Variants in MYRF observed in about 807,000 individuals in gnomAD.
The protein encoded by MYRF is myelin gene regulatory factor.
Under a neutral mutation model 126.3 loss-of-function variants are expected in MYRF, and 16 were observed. That is an observed-to-expected ratio of 0.13 (90% confidence interval 0.09 to 0.19). The LOEUF is 0.19. Ranked by LOEUF, MYRF falls within the 10% of genes least tolerant of loss-of-function variation. The pLI, the probability that MYRF is intolerant of heterozygous loss-of-function variation, is 1.00. For missense variants in MYRF, 1,104 were observed against 1,547.0 expected (o/e 0.71, Z 4.80); for synonymous variants, 608 against 635.3 (o/e 0.96, Z 0.65).
chr11:61,769,253 C>T lies in MYRF; in HGVS notation c.399-7C>T, dbSNP rs1393129670. Reference sequence around the variant, plus strand: ...CACCCCCCGGCCCCTTCCCCTGGCTCTCGCAGCACACTGCCGGACTCTCCC... The same window carrying T: ...CACCCCCCGGCCCCTTCCCCTGGCTTTCGCAGCACACTGCCGGACTCTCCC... On this transcript the variant is annotated splice_region_variant and splice_polypyrimidine_tract_variant and intron_variant, in intron 3 of 26. Coordinates refer to ENST00000278836, the MANE Select transcript of MYRF (RefSeq NM_001127392.3). 5 of 1,591,082 alleles carry T rather than the reference C, an allele frequency of 3.1e-6. No homozygotes were observed. In the East Asian group the frequency reaches 9.1e-5, roughly 29 times the overall value.
Position 61,770,502 on chromosome 11 carries a change from G to A in MYRF, c.717G>A (p.Gln239=). 2 of 1,564,728 alleles carry A rather than the reference G, an allele frequency of 1.3e-6. No individual in the cohort carries two copies. The highest frequency in any genetic ancestry group is 1.7e-6 in the Non-Finnish European group (2 of 1,154,436). ...HHTQQSQMLH[Q]LLQQHGAELP... ...CCCAGCAGTCCCAGATGCTGCACCAGCTCCTGCAGCAGCACGGAGCTGAGT... is the reference window on the plus strand; with the variant it reads ...CCCAGCAGTCCCAGATGCTGCACCAACTCCTGCAGCAGCACGGAGCTGAGT... The change falls in exon 5 of 27, where the codon CAG becomes CAA. Residue 239 remains glutamine, a synonymous_variant. Coordinates refer to ENST00000278836, the MANE Select transcript of MYRF (RefSeq NM_001127392.3).
Position 61,770,351 on chromosome 11 carries a change from C to A in MYRF, c.566C>A (p.Pro189Gln). 6.7e-7 allele frequency: 1 copy of A among 1,503,288 alleles called. No individual in the cohort carries two copies. The highest frequency in any genetic ancestry group is 9.0e-7 in the Non-Finnish European group (1 of 1,108,238). The allele number at this position is 1,503,288 out of a possible 1,614,324, so 93.1% of individuals were successfully genotyped here. A position where few individuals can be genotyped will look rare whatever the true frequency, so the allele number is the denominator to read the frequency against. ...PPPPAHLPGP[P>Q]PPPPPPPHYP... is the part of the protein sequence containing the mutation. Reference sequence around the variant, plus strand: ...CCTCCAGCCCACTTGCCAGGCCCCCCGCCACCCCCACCACCCCCACCTCAC... The same window carrying A: ...CCTCCAGCCCACTTGCCAGGCCCCCAGCCACCCCCACCACCCCCACCTCAC... Residue 189 changes from proline (P) to glutamine (Q), a missense_variant, in exon 5 of 27, where the codon CCG becomes CAG. By Grantham distance (76) the Pro-to-Gln change is moderately conservative. Transcript: ENST00000278836.
rs1448666723 is a variant in MYRF at position 61,786,414 on chromosome 11, C to G, written c.*271C>G. On this transcript the variant is annotated 3_prime_UTR_variant, in exon 27 of 27. Transcript: ENST00000278836. This position sits in a 1 kb window ranked among gnomAD's most constrained non-coding sequence, Gnocchi z 4.5. ...GGGCCAGGACAGGACCAGTTTACCT[C>G]TTTCCAGATATGGTGGTTGGAGGGC... 2.0e-5 allele frequency: 10 copies of G among 506,702 alleles called. No homozygotes were observed. The highest frequency in any genetic ancestry group is 1.4e-5 in the Non-Finnish European group (4 of 279,002). 31.4% of individuals were successfully genotyped at this position (506,702 alleles called of 1,614,324 possible). A position where few individuals can be genotyped will look rare whatever the true frequency, so the allele number is the denominator to read the frequency against.
intron 1 of MYRF, among the ~76,000 whole-genome samples, chr11:61,762,434 C>G (rs1457356316): frequency 2.0e-5 from 3 of 152,214 alleles, no homozygotes; most frequent in Non-Finnish European, 4.4e-5. Context: ...CTTCCCTTCT[C>G]TCAGAGAGGT....
In MYRF at chr11:61,780,226, G is replaced by C. The variant is rs1256542401; in HGVS notation, c.2341G>C (p.Val781Leu). Residue 781 changes from valine to leucine, a missense_variant, in exon 18 of 27, where the codon GTG becomes CTG. Val to Leu is a conservative substitution (Grantham distance 32, BLOSUM62 1). Coordinates refer to ENST00000278836, the MANE Select transcript of MYRF (RefSeq NM_001127392.3). The stretch of plus-strand genomic sequence containing the variant: ...CACCCTTTTCTGTGGCTCCAGCGTG[G>C]TGTCCATGTCCACACTGTACGTGCT... Reference protein sequence around the residue: ...ALVVVMAFSVVSMSTLYVLSL... With the variant: ...ALVVVMAFSVLSMSTLYVLSL... 6.2e-7 allele frequency: 1 copy of C among 1,613,974 alleles called. No homozygotes were observed. Among genetic ancestry groups the C allele is most frequent in the Non-Finnish European group, 8.5e-7 (1 of 1,179,996 alleles).
At chr11:61,765,913 G>C (rs1262729652) in intron 2 of MYRF, 45 bp from the exon 3 acceptor site, 24 of 1,467,268 alleles carry the variant, frequency 1.6e-5, no homozygotes, top group Non-Finnish European at 2.1e-5. Flanking sequence ...TTCCCTGCTG[G>C]GGCTGGGGTC....
At position 61,757,584 on chromosome 11, in the gene MYRF, T is replaced by C. The variant is rs1471617780; in HGVS notation, c.46+4794T>C. 2.2e-6 allele frequency: 1 copy of C among 456,392 alleles called. No individual in the cohort carries two copies. The highest frequency in any genetic ancestry group is 4.4e-6 in the Non-Finnish European group (1 of 226,826). 28.3% of individuals were successfully genotyped at this position (456,392 alleles called of 1,614,324 possible). A position where few individuals can be genotyped will look rare whatever the true frequency, so the allele number is the denominator to read the frequency against. ...GGTTCTGTGTGCAAGGCCTGAACCA[T>C]GACAGCTCTGGCCCAGCGTGGCCTG... On this transcript the variant is annotated intron_variant, in intron 1 of 26. Transcript: ENST00000278836. The surrounding 1 kb of genome is among the most constrained non-coding windows in gnomAD (Gnocchi z 4.7).
At position 61,783,400 on chromosome 11, in the gene MYRF, C is replaced by A; in HGVS notation, c.3017-98C>A. ...GGAAAAAAATAACCTGGAACTTATT[C>A]ATACTAAGGTGTGAGTGACTGCTTC... On this transcript the variant is annotated intron_variant, in intron 22 of 26. Transcript: ENST00000278836. This position sits in a 1 kb window ranked among gnomAD's most constrained non-coding sequence, Gnocchi z 4.6. 1.1e-6 allele frequency: 1 copy of A among 885,876 alleles called. No homozygotes were observed. The highest frequency in any genetic ancestry group is 1.8e-6 in the Non-Finnish European group (1 of 547,434). 54.9% of individuals were successfully genotyped at this position (885,876 alleles called of 1,614,324 possible).
rs895604114 is a variant in MYRF at position 61,779,380 on chromosome 11, C to T, written c.2131C>T (p.Arg711Trp). Residue 711 changes from arginine (R) to tryptophan (W), a missense_variant, in exon 15 of 27, where the codon CGG (arginine) becomes TGG (tryptophan). By Grantham distance (101) the Arg-to-Trp change is moderately radical. Transcript: ENST00000278836. ...GAGCCACAAGCTGGCCAAGCTGCGG[C>T]GGCTCGACAGCCTCAAGTCCACCGG... ...RWSHKLAKLR[R>W]LDSLKSTGSS... 6.4e-5 allele frequency: 100 copies of T among 1,551,104 alleles called. 1 individual carries two copies. In the Admixed American group the frequency reaches 1.8e-3, roughly 29 times the overall value.
At position 61,781,621 on chromosome 11, in the gene MYRF, C is replaced by T; in HGVS notation, c.2813C>T (p.Ser938Phe). The T allele has an allele frequency of 4.3e-6, 7 of 1,613,946 alleles. No homozygotes were observed. Among genetic ancestry groups the T allele is most frequent in the Non-Finnish European group, 5.9e-6 (7 of 1,180,022 alleles). ...LLPVTNIRAK[S>F]WGLSVNGIGH... ...CCAGTCACCAACATCAGAGCCAAGT[C>T]CTGGGGTCTTTCAGTCAATGGCATT... is the stretch of plus-strand genomic sequence containing the variant. The change falls in exon 22 of 27, where the codon TCC (serine) becomes TTC (phenylalanine). Residue 938 changes from serine to phenylalanine, a missense_variant. Physicochemically the swap from Ser to Phe is radical, Grantham distance 155 (BLOSUM62 -2). Coordinates refer to ENST00000278836, the MANE Select transcript of MYRF (RefSeq NM_001127392.3).
intron 1 of MYRF, among the ~76,000 whole-genome samples, chr11:61,756,188 G>C (rs2065748004): frequency 6.6e-6 from 1 of 152,196 alleles, no homozygotes; most frequent in Non-Finnish European, 1.5e-5. Context: ...CCGGCTGTGG[G>C]ATGGGTAAGG....
chr11:61,761,259 T>TGGGG (rs35744830), intron 1 of MYRF, among the ~76,000 whole-genome samples: 6 of 78,286 alleles, frequency 7.7e-5, no homozygotes, highest in East Asian at 3.2e-4. Flanking sequence ...CCACAGCTGG[T>TGGGG]GGGGGGGGGG....
intron 5 of MYRF, among the ~76,000 whole-genome samples, chr11:61,771,181 G>A (rs1366793668): frequency 6.6e-6 from 1 of 152,166 alleles, no homozygotes; most frequent in African/African-American, 2.4e-5. Context: ...CTGCAGGCAG[G>A]GACAAACTCA....
At chr11:61,763,523 A>G (rs778711615) in intron 1 of MYRF, among the ~76,000 whole-genome samples, 4 of 152,232 alleles carry the variant, frequency 2.6e-5, no homozygotes, top group Non-Finnish European at 1.5e-5. Context: ...AGGATTGAGT[A>G]ACACACCGCA....
chr11:61,785,764 G>A (rs2066678069), intron 25 of MYRF, 36 bp from the exon 26 acceptor site: 2 of 1,571,274 alleles, frequency 1.3e-6, no homozygotes, highest in Non-Finnish European at 1.8e-6. Context: ...GATAAGGGCA[G>A]CAGTCTGTCC....
At chr11:61,769,411 G>A in intron 4 of MYRF, 90 bp downstream of exon 4, 1 of 935,716 alleles carries the variant, frequency 1.1e-6, no homozygotes. Context: ...GAGGGAGGGG[G>A]CCAGCGGCTG....
Position 61,771,671 on chromosome 11 carries a change from C to T in MYRF, c.912C>T (p.Ser304=). The T allele has an allele frequency of 6.2e-7, 1 of 1,613,902 alleles. No individual in the cohort carries two copies. Among genetic ancestry groups the T allele is most frequent in the Non-Finnish European group, 8.5e-7 (1 of 1,179,996 alleles). ...CCTGGCCTCCCCAGGGTCCGCTCTC[C>T]CCGGGCCCTGGTTCCTTGCCTCTCA... The part of the protein sequence containing the change: ...SPPWPPQGPL[S]PGPGSLPLSI... Residue 304 remains serine (S), a synonymous_variant, in exon 6 of 27, where the codon TCC becomes TCT. Coordinates refer to ENST00000278836, the MANE Select transcript of MYRF (RefSeq NM_001127392.3).
At chr11:61,772,715 G>A (rs2066262225) in intron 7 of MYRF, among the ~76,000 whole-genome samples, 1 of 152,238 alleles carries the variant, frequency 6.6e-6, no homozygotes. Context: ...GGCCACCCTT[G>A]CCACCCCAGG....
chr11:61,781,836 AC>A lies in MYRF; in HGVS notation c.3016+16del. ...CCAGGGCCAGTCAGGTACTTGCTGC[AC>A]CCCTGACACTACCCAGCCCAGCCTG... On this transcript the variant is annotated intron_variant, in intron 22 of 26. Transcript: ENST00000278836. The A allele has an allele frequency of 6.6e-7, 1 of 1,522,970 alleles. No homozygotes were observed. The allele number at this position is 1,522,970 out of a possible 1,614,324, so 94.3% of individuals were successfully genotyped here. A position where few individuals can be genotyped will look rare whatever the true frequency, so the allele number is the denominator to read the frequency against.
Sources: gnomAD v4.1 joint callset for allele counts (sites outside exome capture counted in the v4.1 genomes callset) on GRCh38, gnomAD v4.1.1 for gene constraint, Gnocchi (gnomAD v3.1) non-coding constraint, MANE v1.5 for transcripts, NCBI Gene and HGNC (gene_info 2026-07-23, HGNC 2026-07-21) for gene names.